Variants in ARF4 observed in about 807,000 individuals in gnomAD.
ARF4 encodes the protein ADP-ribosylation factor 4.
In ARF4, 5 loss-of-function variants were observed where a neutral mutation model predicts 24.3. The ratio of observed to expected loss-of-function variants is 0.21; its 90% CI spans 0.11 to 0.43. The LOEUF (loss-of-function observed/expected upper bound fraction) is 0.43, where lower values mean the gene tolerates loss of function less well. ARF4 is among the 20% of genes least tolerant of loss of function. The pLI, the probability that ARF4 is intolerant of heterozygous loss-of-function variation, is 1.00. For synonymous variants in ARF4, 62 were observed against 73.5 expected, an observed-to-expected ratio of 0.84 and a Z score of 0.80; for missense variants, 107 against 213.0, an observed-to-expected ratio of 0.50 and a Z score of 3.10.
At chr3:57,596,040 G>A (rs377541675) in intron 1 of ARF4, among the ~76,000 whole-genome samples, 12 of 152,224 alleles carry the variant, frequency 7.9e-5, no homozygotes, top group African/African-American at 1.9e-4. Flanking sequence ...AAAGTTAGAG[G>A]GGCTTCTTTC....
At chr3:57,590,411 G>A (rs13076213) in intron 1 of ARF4, among the ~76,000 whole-genome samples, 58,561 of 151,642 alleles carry the variant, frequency 0.39, 12,646 homozygotes, top group South Asian at 0.56. Flanking sequence ...GCTTGAACCC[G>A]GGAGGCGGAG....
At chr3:57,577,482 T>C (rs2069920432) in intron 3 of ARF4, 95 bp from the exon 4 acceptor site, 28 of 923,598 alleles carry the variant, frequency 3.0e-5, no homozygotes, top group Non-Finnish European at 4.5e-5. Flanking sequence ...GGTTAGACAT[T>C]AGGAAGAAAA....
intron 3 of ARF4, among the ~76,000 whole-genome samples, chr3:57,580,690 G>A (rs1018868054): frequency 1.3e-5 from 2 of 151,858 alleles, no homozygotes; most frequent in African/African-American, 2.4e-5. Flanking sequence ...CATAGCACCC[G>A]GTCCTGAAAC....
At chr3:57,589,015 T>C (rs566855793) in intron 1 of ARF4, among the ~76,000 whole-genome samples, 4 of 151,978 alleles carry the variant, frequency 2.6e-5, no homozygotes, top group South Asian at 2.1e-4. Context: ...GGCAGGAGAA[T>C]TGCTTGAACC....
chr3:57,573,026 C>A lies in ARF4; in HGVS notation c.457-728G>T, dbSNP rs181702142. The stretch of plus-strand genomic sequence containing the variant: ...GACCTTCCTGGCTAACGCAGTGAAA[C>A]CCTGTCTCTACTAAAAATACAAAAA... On this transcript the variant is annotated intron_variant, in intron 5 of 5. Coordinates refer to ENST00000303436, the MANE Select transcript of ARF4 (RefSeq NM_001660.4). 4.4e-3 allele frequency among the ~76,000 whole-genome samples: 667 copies of A among 151,952 alleles called. 3 individuals carry two copies. The highest frequency in any genetic ancestry group is 7.0e-3 in the Admixed American group (107 of 15,252).
chr3:57,595,132 T>A (rs961898738), intron 1 of ARF4, among the ~76,000 whole-genome samples: 3 of 152,166 alleles, frequency 2.0e-5, no homozygotes, highest in African/African-American at 4.8e-5. Context: ...TTTTTTGGGG[T>A]GGAGGGAAAT....
intron 1 of ARF4, 172 bp downstream of exon 1, chr3:57,596,902 G>GAATC: frequency 1.6e-6 from 1 of 641,500 alleles, no homozygotes; most frequent in Admixed American, 2.9e-5. Flanking sequence ...GGGGCGGGGG[G>GAATC]GATCGCTCAC....
chr3:57,595,206 G>A (rs1253806590), intron 1 of ARF4, among the ~76,000 whole-genome samples: 1 of 152,084 alleles, frequency 6.6e-6, no homozygotes, highest in Non-Finnish European at 1.5e-5. Context: ...TTGCCCCTCT[G>A]ATACTTTCAT....
chr3:57,587,565 GA>G (rs1405696768), intron 1 of ARF4, among the ~76,000 whole-genome samples: 1 of 151,622 alleles, frequency 6.6e-6, no homozygotes, highest in Non-Finnish European at 1.5e-5. Flanking sequence ...TATGAAAAGA[GA>G]AAAAAAATTG....
chr3:57,583,766 T>C, intron 3 of ARF4, 132 bp downstream of exon 3: 4 of 680,122 alleles, frequency 5.9e-6, no homozygotes, highest in Non-Finnish European at 1.0e-5. Context: ...CACTGAAGAA[T>C]GTGGAAGTGG....
At chr3:57,576,975 A>AT (rs2069913124) in intron 4 of ARF4, among the ~76,000 whole-genome samples, 1 of 151,838 alleles carries the variant, frequency 6.6e-6, no homozygotes, top group Admixed American at 6.6e-5. Context: ...TATAGATTTG[A>AT]TATCTGTAAA....
At chr3:57,595,518 T>C (rs750691977) in intron 1 of ARF4, among the ~76,000 whole-genome samples, 2 of 152,182 alleles carry the variant, frequency 1.3e-5, no homozygotes, top group Non-Finnish European at 2.9e-5. Flanking sequence ...GAATGACTCA[T>C]AAACAATTGA....
chr3:57,591,284 A>C (rs2070113489), intron 1 of ARF4, among the ~76,000 whole-genome samples: 1 of 152,190 alleles, frequency 6.6e-6, no homozygotes, highest in East Asian at 1.9e-4. Context: ...TAGAAAGTGA[A>C]AACAACCTAA....
chr3:57,589,902 C>A (rs1461202791), intron 1 of ARF4, among the ~76,000 whole-genome samples: 1 of 149,980 alleles, frequency 6.7e-6, no homozygotes, highest in Non-Finnish European at 1.5e-5. Flanking sequence ...ACCAGCCTGG[C>A]CAACATGGTG....
At chr3:57,586,317 G>T (rs1575785603) in intron 1 of ARF4, among the ~76,000 whole-genome samples, 1 of 152,118 alleles carries the variant, frequency 6.6e-6, no homozygotes, top group Admixed American at 6.5e-5. Flanking sequence ...GCATGACTTA[G>T]CACATAAAAG....
chr3:57,588,006 G>A (rs1055768815), intron 1 of ARF4, among the ~76,000 whole-genome samples: 1 of 152,024 alleles, frequency 6.6e-6, no homozygotes, highest in Non-Finnish European at 1.5e-5. Context: ...AAACATATTG[G>A]TCCAACAATT....
Position 57,575,371 on chromosome 3 carries a change from G to A in ARF4, c.456+177C>T, listed in dbSNP as rs978322397. The stretch of plus-strand genomic sequence containing the variant: ...TAGACCTATTCTACAGTAGTTTTCC[G>A]TTTCTTTACAAAAATCAAATAAGGT... On this transcript the variant is annotated intron_variant, in intron 5 of 5. Transcript: ENST00000303436. Among the ~76,000 whole-genome samples the A allele has an allele frequency of 3.3e-5, 5 of 150,050 alleles. No individual in the cohort carries two copies. In the East Asian group the frequency reaches 5.9e-4, roughly 18 times the overall value.
At chr3:57,579,245 C>A (rs1228838107) in intron 3 of ARF4, among the ~76,000 whole-genome samples, 4 of 58,192 alleles carry the variant, frequency 6.9e-5, no homozygotes. Flanking sequence ...CAAGAGCAAA[C>A]TACATCTCAA....
intron 1 of ARF4, among the ~76,000 whole-genome samples, chr3:57,594,591 G>T (rs1479338884): frequency 6.6e-6 from 1 of 152,142 alleles, no homozygotes; most frequent in Non-Finnish European, 1.5e-5. Flanking sequence ...AGAACAGCAG[G>T]TGTACGAATT....
Sources: allele counts gnomAD v4.1 joint callset (sites outside exome capture counted in the v4.1 genomes callset), GRCh38; gene constraint gnomAD v4.1.1; transcripts MANE v1.5; gene names NCBI Gene and HGNC (gene_info 2026-07-23, HGNC 2026-07-21).